The following DMD variants were observed in gnomAD, a reference collection of about 807,000 sequenced individuals.
DMD encodes mutant dystrophin.
Under a neutral mutation model 330.1 loss-of-function variants are expected in DMD, and 63 were observed. The observed-to-expected ratio is 0.19, with a 90% confidence interval of 0.16 to 0.24. DMD has a LOEUF of 0.24. Among genes scored for constraint, DMD ranks in the 10% least tolerant of loss-of-function variants. The pLI is 1.00. For missense variants in DMD, 3,344 were observed against 2,684.1 expected, an observed-to-expected ratio of 1.25 and a Z score of -5.43; for synonymous variants, 1,223 against 959.8, an observed-to-expected ratio of 1.27 and a Z score of -5.07.
chrX:31,124,962 C>T (rs373977270), intron 78 of DMD, among the ~76,000 whole-genome samples: 3 of 111,489 alleles, frequency 2.7e-5, no homozygotes, highest in Admixed American at 1.9e-4. Context: ...ATCTGCTTTA[C>T]GTACATTTGG....
intron 45 of DMD, among the ~76,000 whole-genome samples, chrX:31,938,921 C>G (rs1458680702): frequency 9.0e-6 from 1 of 111,283 alleles, no homozygotes. Context: ...TATTTTCTCC[C>G]AGTGTGTGTG....
At chrX:31,900,454 T>A (rs992889092) in intron 47 of DMD, among the ~76,000 whole-genome samples, 4 of 111,488 alleles carry the variant, frequency 3.6e-5, no homozygotes, top group Non-Finnish European at 7.5e-5. Flanking sequence ...ACGTAAGATG[T>A]GACTCGTTCC....
chrX:32,717,219 C>A (rs1165145515), intron 7 of DMD, among the ~76,000 whole-genome samples: 1 of 111,041 alleles, frequency 9.0e-6, no homozygotes, highest in Non-Finnish European at 1.9e-5. Context: ...TTGCAGCAGC[C>A]CCTCCTATCA....
intron 23 of DMD, among the ~76,000 whole-genome samples, chrX:32,467,765 C>A (rs937362481): frequency 1.8e-5 from 2 of 108,747 alleles, no homozygotes; most frequent in Non-Finnish European, 3.8e-5. Context: ...AGACACAGTT[C>A]TGCTAACACC....
intron 63 of DMD, among the ~76,000 whole-genome samples, chrX:31,253,120 G>T (rs1227830909): frequency 1.8e-5 from 2 of 112,289 alleles, no homozygotes; most frequent in African/African-American, 6.5e-5. Context: ...CTAGCCAGGG[G>T]TTAAAACAAA....
intron 1 of DMD, among the ~76,000 whole-genome samples, chrX:33,205,927 AC>A (rs1456582722): frequency 9.9e-5 from 11 of 111,596 alleles, no homozygotes; most frequent in Admixed American, 9.6e-4. Context: ...TAAACAAAAA[AC>A]ATCATGATTC....
At chrX:31,651,331 T>G (rs1497447) in intron 54 of DMD, among the ~76,000 whole-genome samples, 30,091 of 110,483 alleles carry the variant, frequency 0.27, 3,102 homozygotes, top group Admixed American at 0.35. Context: ...AGATGGAAGT[T>G]GACACTGAGG....
chrX:31,904,170 C>T (rs2094452857), intron 47 of DMD, among the ~76,000 whole-genome samples: 1 of 111,413 alleles, frequency 9.0e-6, no homozygotes, highest in Non-Finnish European at 1.9e-5. Context: ...ACCCCATGTA[C>T]TTTTTGAAAT....
chrX:33,049,156 A>C (rs1228722656), intron 1 of DMD, among the ~76,000 whole-genome samples: 1 of 112,012 alleles, frequency 8.9e-6, no homozygotes, highest in Non-Finnish European at 1.9e-5. Flanking sequence ...CACTAAAAAG[A>C]GTCCTTTCTA....
intron 34 of DMD, among the ~76,000 whole-genome samples, chrX:32,366,864 G>C (rs1237402967): frequency 2.7e-5 from 3 of 112,194 alleles, no homozygotes; most frequent in African/African-American, 9.7e-5. Context: ...ATGGTTTTAT[G>C]TCACATTTTT....
intron 44 of DMD, among the ~76,000 whole-genome samples, chrX:32,209,317 A>G (rs1294934836): frequency 2.7e-5 from 3 of 110,894 alleles, no homozygotes; most frequent in Admixed American, 1.9e-4. Context: ...TTAGAGCACA[A>G]ATATATATAA....
chrX:32,623,797 G>A (rs752941731), intron 11 of DMD, among the ~76,000 whole-genome samples: 2 of 111,568 alleles, frequency 1.8e-5, no homozygotes, highest in South Asian at 7.5e-4. Flanking sequence ...AAAGTTCTGG[G>A]ATTACAGGCG....
intron 50 of DMD, among the ~76,000 whole-genome samples, chrX:31,797,830 A>T (rs1296324533): frequency 1.8e-5 from 2 of 111,708 alleles, no homozygotes; most frequent in African/African-American, 6.5e-5. Context: ...GGGACATATA[A>T]AGTGAAATAT....
At chrX:33,311,583 T>C (rs2053849979) in intron 1 of DMD, among the ~76,000 whole-genome samples, 1 of 110,912 alleles carries the variant, frequency 9.0e-6, no homozygotes, top group Non-Finnish European at 1.9e-5. Flanking sequence ...TGAATTTTTT[T>C]CTTGTTTTTT....
chrX:32,489,071 G>C (rs756316743), intron 20 of DMD, among the ~76,000 whole-genome samples: 6 of 111,212 alleles, frequency 5.4e-5, no homozygotes, highest in Admixed American at 4.8e-4. Flanking sequence ...TTCTCCCAAA[G>C]CTTTGCATCT....
chrX:33,304,907 T>G (rs1405964224), intron 1 of DMD, among the ~76,000 whole-genome samples: 144 of 104,318 alleles, frequency 1.4e-3, no homozygotes, highest in Non-Finnish European at 2.0e-3. Flanking sequence ...CATTAAAAAG[T>G]CAGGAAACAA....
intron 16 of DMD, among the ~76,000 whole-genome samples, chrX:32,548,229 C>T (rs916962520): frequency 1.8e-5 from 2 of 111,271 alleles, no homozygotes; most frequent in Admixed American, 9.6e-5. Context: ...AGGAACCTTA[C>T]GGCAAAATAG....
At position 32,336,153 on chromosome X, in the gene DMD, A is replaced by C. The variant is rs370497682; in HGVS notation, c.5922+5947T>G. Among the ~76,000 whole-genome samples, 16 of 108,658 alleles carry C rather than the reference A, an allele frequency of 1.5e-4. No individual in the cohort carries two copies. In the East Asian group the frequency reaches 3.8e-3, roughly 26 times the overall value. 94.4% of individuals were successfully genotyped at this position (108,658 alleles called of 115,157 possible). A position where few individuals can be genotyped will look rare whatever the true frequency, so the allele number is the denominator to read the frequency against. ...CATGTGCATACGTGTATAACATGTT[A>C]TCTGTGTGTGTATAACATGTGTATA... On this transcript the variant is annotated intron_variant, in intron 41 of 78. Coordinates refer to ENST00000357033, the MANE Select transcript of DMD (RefSeq NM_004006.3).
intron 39 of DMD, among the ~76,000 whole-genome samples, chrX:32,344,871 C>T (rs2097758907): frequency 9.0e-6 from 1 of 111,392 alleles, no homozygotes; most frequent in South Asian, 3.8e-4. Flanking sequence ...TTTCTAGACA[C>T]ATTATGGTGT....
Sources: allele counts gnomAD v4.1 joint callset (sites outside exome capture counted in the v4.1 genomes callset), GRCh38; gene constraint gnomAD v4.1.1; transcripts MANE v1.5; gene names NCBI Gene and HGNC (gene_info 2026-07-23, HGNC 2026-07-21).